ANK2: variants seen among roughly 807,000 people sequenced by gnomAD.
ANK2 encodes ankyrin-2.
ANK2 carries 83 observed loss-of-function variants against 360.5 expected under a neutral mutation model. The ratio of observed to expected loss-of-function variants is 0.23; its 90% CI spans 0.19 to 0.28. ANK2 has a LOEUF of 0.28. ANK2 is among the 10% of genes least tolerant of loss of function. The pLI is 1.00. For missense variants in ANK2, 4,201 were observed against 4,795.7 expected (o/e 0.88, Z 3.66); for synonymous variants, 1,740 against 1,759.5 (o/e 0.99, Z 0.28).
chr4:112,715,517 G>A, the ANK2 span, among the ~76,000 whole-genome samples: 5 of 152,198 alleles, frequency 3.3e-5, no homozygotes, highest in Non-Finnish European at 7.3e-5. Context: ...CGTTATTTTT[G>A]TCATCGGATC....
At chr4:113,072,767 C>CTTTTTTTTTTTTTTTTTTTTTTTTTT (rs1253934277) in intron 1 of ANK2, among the ~76,000 whole-genome samples, 1 of 27,246 alleles carries the variant, frequency 3.7e-5, no homozygotes, top group African/African-American at 9.2e-5. Context: ...TTTTTTTTTG[C>CTTTTTTTTTTTTTTTTTTTTTTTTTT]TGTCTTGTCT....
the ANK2 span, among the ~76,000 whole-genome samples, chr4:112,762,566 G>A: frequency 6.6e-6 from 1 of 152,238 alleles, no homozygotes; most frequent in Non-Finnish European, 1.5e-5. Flanking sequence ...CTGGAGTGCA[G>A]TGGTGCGATT....
chr4:112,831,118 G>A (rs2059622705), intron 1 of ANK2, among the ~76,000 whole-genome samples: 1 of 152,224 alleles, frequency 6.6e-6, no homozygotes, highest in Non-Finnish European at 1.5e-5. Flanking sequence ...CGTGGCCAGA[G>A]ACTCCCCAAT....
At chr4:112,885,714 G>C (rs752821551) in intron 1 of ANK2, among the ~76,000 whole-genome samples, 1 of 142,292 alleles carries the variant, frequency 7.0e-6, no homozygotes, top group Non-Finnish European at 1.5e-5. Flanking sequence ...GGAGAATGGC[G>C]TGAACCTGGG....
At chr4:113,107,506 C>T (rs917114912) in intron 1 of ANK2, among the ~76,000 whole-genome samples, 1 of 152,096 alleles carries the variant, frequency 6.6e-6, no homozygotes, top group African/African-American at 2.4e-5. Context: ...CATGAGCCAC[C>T]GCGCCCAGCC....
chr4:113,103,328 C>T (rs1471873695), intron 1 of ANK2, among the ~76,000 whole-genome samples: 1 of 152,000 alleles, frequency 6.6e-6, no homozygotes, highest in African/African-American at 2.4e-5. Context: ...TAAGAAAAGC[C>T]TTGGCATTAA....
chr4:112,807,580 A>T, the ANK2 span, among the ~76,000 whole-genome samples: 1 of 152,254 alleles, frequency 6.6e-6, no homozygotes, highest in Non-Finnish European at 1.5e-5. Flanking sequence ...ATTAGTCCTC[A>T]GCAACATTTA....
At chr4:112,810,453 A>G in the ANK2 span, among the ~76,000 whole-genome samples, 4 of 152,154 alleles carry the variant, frequency 2.6e-5, no homozygotes, top group Non-Finnish European at 4.4e-5. Flanking sequence ...TGCTCAAATC[A>G]GGATCCAGTC....
intron 1 of ANK2, among the ~76,000 whole-genome samples, chr4:113,088,678 A>C (rs2086141832): frequency 6.6e-6 from 1 of 152,158 alleles, no homozygotes; most frequent in Admixed American, 6.5e-5. Context: ...ACTGGAAAGG[A>C]ACTGGAAAGG....
the ANK2 span, among the ~76,000 whole-genome samples, chr4:112,777,560 C>T: frequency 4.0e-5 from 6 of 149,564 alleles, no homozygotes; most frequent in African/African-American, 1.5e-4. Context: ...TTAAAAAGCC[C>T]TGCTAATAAA....
At chr4:112,783,609 A>G in the ANK2 span, among the ~76,000 whole-genome samples, 1 of 150,498 alleles carries the variant, frequency 6.6e-6, no homozygotes, top group Admixed American at 6.7e-5. Context: ...TATGTTATGA[A>G]ATCTATTTAT....
intron 10 of ANK2, among the ~76,000 whole-genome samples, chr4:113,254,350 G>A (rs2048150634): frequency 6.6e-6 from 1 of 152,186 alleles, no homozygotes; most frequent in Non-Finnish European, 1.5e-5. Context: ...AACAGGGCTT[G>A]AGTAGGTGCT....
At chr4:112,908,156 A>G (rs769351770) in intron 2 of ANK2, among the ~76,000 whole-genome samples, 7 of 152,236 alleles carry the variant, frequency 4.6e-5, no homozygotes, top group Non-Finnish European at 1.0e-4. Context: ...AGAAATGGTT[A>G]AAAGAGGGTT....
chr4:112,742,686 T>TATAAA, the ANK2 span, among the ~76,000 whole-genome samples: 2 of 152,102 alleles, frequency 1.3e-5, no homozygotes, highest in Non-Finnish European at 1.5e-5. Context: ...TATAATCATT[T>TATAAA]ATAAACAGGT....
At chr4:113,309,899 T>C (rs1458291578) in intron 23 of ANK2, among the ~76,000 whole-genome samples, 1 of 152,210 alleles carries the variant, frequency 6.6e-6, no homozygotes, top group African/African-American at 2.4e-5. Flanking sequence ...ATTCTTCAAA[T>C]GTCTTTCTAT....
intron 2 of ANK2, among the ~76,000 whole-genome samples, chr4:112,991,678 G>A (rs1377420037): frequency 9.1e-6 from 1 of 109,512 alleles, no homozygotes; most frequent in Middle Eastern, 6.9e-3. Context: ...TTCAATTTCT[G>A]GTTCGTTTTG....
intron 14 of ANK2, among the ~76,000 whole-genome samples, chr4:113,269,379 G>T (rs2057603050): frequency 2.0e-5 from 3 of 152,210 alleles, no homozygotes; most frequent in African/African-American, 7.2e-5. Flanking sequence ...CCAGTTTTGT[G>T]CTTGAAACCC....
At chr4:113,368,395 C>T (rs2096612447) in intron 42 of ANK2, among the ~76,000 whole-genome samples, 1 of 152,146 alleles carries the variant, frequency 6.6e-6, no homozygotes, top group Non-Finnish European at 1.5e-5. Context: ...AATATAAATG[C>T]AATGCAAACT....
intron 2 of ANK2, among the ~76,000 whole-genome samples, chr4:113,010,549 TAGTTGGGGAAAAC>T (rs2154291989): frequency 6.6e-6 from 1 of 152,204 alleles, no homozygotes; most frequent in Non-Finnish European, 1.5e-5. Flanking sequence ...ACTTACATCC[TAGTTGGGGAAAAC>T]AGTCATTAGA....
Sources: gnomAD v4.1 joint callset for allele counts (sites outside exome capture counted in the v4.1 genomes callset) on GRCh38, gnomAD v4.1.1 for gene constraint, MANE v1.5 for transcripts, NCBI Gene and HGNC (gene_info 2026-07-23, HGNC 2026-07-21) for gene names.